KIF25: variants seen among roughly 807,000 people sequenced by gnomAD.
The protein encoded by KIF25 is kinesin-like protein KIF25.
KIF25 carries 19 observed loss-of-function variants against 32.9 expected under a neutral mutation model. The ratio of observed to expected loss-of-function variants is 0.58; its 90% CI spans 0.40 to 0.85. The LOEUF is 0.85. Among genes scored for constraint, KIF25 ranks in the 40% least tolerant of loss-of-function variants. KIF25 has a pLI of 0.00. For missense variants in KIF25, 485 were observed against 507.0 expected (o/e 0.96, Z 0.42); for synonymous variants, 225 against 213.7 (o/e 1.05, Z -0.46).
intron 4 of KIF25, among the ~76,000 whole-genome samples, chr6:168,006,916 A>G (rs968444900): frequency 3.9e-5 from 6 of 152,370 alleles, no homozygotes; most frequent in Admixed American, 2.0e-4. Flanking sequence ...TGTTATAGCC[A>G]TACTTTAAAA....
intron 7 of KIF25, among the ~76,000 whole-genome samples, chr6:168,031,563 G>A (rs1410679636): frequency 2.0e-5 from 3 of 152,206 alleles, no homozygotes; most frequent in Non-Finnish European, 2.9e-5. Flanking sequence ...ATCTGACCAC[G>A]CACGCACGCG....
chr6:168,035,264 T>G (rs1029122865), intron 8 of KIF25, among the ~76,000 whole-genome samples: 1 of 151,414 alleles, frequency 6.6e-6, no homozygotes, highest in South Asian at 2.1e-4. Context: ...CAGTGTGAGC[T>G]GCGTGCGTGC....
At chr6:168,005,996 G>A (rs916804387) in intron 4 of KIF25, among the ~76,000 whole-genome samples, 21 of 152,162 alleles carry the variant, frequency 1.4e-4, no homozygotes, top group South Asian at 1.0e-3. Flanking sequence ...CAGCAAGGGC[G>A]GCTCTCATGG....
intron 12 of KIF25, 58 bp downstream of exon 12, chr6:168,042,774 C>T: frequency 6.4e-7 from 1 of 1,555,532 alleles, no homozygotes; most frequent in South Asian, 1.2e-5. Context: ...AGGACATGTG[C>T]ACACACTTCT....
chr6:168,005,965 G>A (rs2114868172), intron 4 of KIF25, among the ~76,000 whole-genome samples: 1 of 152,312 alleles, frequency 6.6e-6, no homozygotes, highest in Middle Eastern at 3.4e-3. Context: ...CTACTGACGA[G>A]AACATGCTTT....
intron 5 of KIF25, among the ~76,000 whole-genome samples, chr6:168,026,008 A>T (rs1203728273): frequency 6.6e-6 from 1 of 152,228 alleles, no homozygotes; most frequent in Non-Finnish European, 1.5e-5. Flanking sequence ...GTCTCCAAGT[A>T]CTTTCAGGCC....
intron 4 of KIF25, among the ~76,000 whole-genome samples, chr6:168,004,018 A>G (rs1798540762): frequency 1.3e-5 from 2 of 152,214 alleles, no homozygotes; most frequent in Non-Finnish European, 2.9e-5. Context: ...CAGTGATATC[A>G]TGGGTGAACT....
intron 9 of KIF25, among the ~76,000 whole-genome samples, chr6:168,039,546 G>A (rs1181053793): frequency 1.3e-5 from 2 of 152,212 alleles, no homozygotes; most frequent in African/African-American, 4.8e-5. Flanking sequence ...CATGCTGAAT[G>A]TTTCACAGAG....
At chr6:168,038,398 CCT>C (rs543597555) in intron 8 of KIF25, among the ~76,000 whole-genome samples, 153 bp from the exon 9 acceptor site, 187 of 152,294 alleles carry the variant, frequency 1.2e-3, no homozygotes, top group African/African-American at 4.3e-3. Flanking sequence ...ACCCTATTTC[CCT>C]GAGTGATCTT....
intron 2 of KIF25, among the ~76,000 whole-genome samples, chr6:168,001,590 G>A (rs1255906645): frequency 2.0e-5 from 3 of 146,894 alleles, no homozygotes; most frequent in African/African-American, 5.1e-5. Context: ...CGTGGCCTCG[G>A]GCAGGTGAGA....
rs1393438207 is a variant in KIF25 at position 168,042,139 on chromosome 6, A to G, written c.817A>G (p.Ser273Gly). The stretch of plus-strand genomic sequence containing the variant: ...ACTACAGCTCGTGGACTCGGCCGGC[A>G]GCGAGTGCGTTGGTGAGCAGGGGCA... ...ARLQLVDSAG[S>G]ECVGVSGVTG... The change falls in exon 11 of 13, where the codon AGC becomes GGC. Residue 273 changes from serine to glycine, a missense_variant. Coordinates refer to ENST00000643607, the MANE Select transcript of KIF25 (RefSeq NM_030615.4). 6 of 1,549,394 alleles carry G rather than the reference A, an allele frequency of 3.9e-6. No homozygotes were observed. The East Asian group carries it at 1.5e-4, about 38-fold the overall frequency.
At chr6:168,011,082 A>G (rs1798641804) in intron 4 of KIF25, among the ~76,000 whole-genome samples, 1 of 152,100 alleles carries the variant, frequency 6.6e-6, no homozygotes, top group Non-Finnish European at 1.5e-5. Flanking sequence ...TTACATCTTT[A>G]AAGTGGGAAA....
At chr6:168,040,749 TA>T (rs1799107683) in intron 10 of KIF25, among the ~76,000 whole-genome samples, 1 of 152,192 alleles carries the variant, frequency 6.6e-6, no homozygotes, top group South Asian at 2.1e-4. Context: ...AACACTCTGC[TA>T]AATAAAATAT....
chr6:168,005,630 A>G (rs1182260950), intron 4 of KIF25, among the ~76,000 whole-genome samples: 1 of 152,258 alleles, frequency 6.6e-6, no homozygotes, highest in Admixed American at 6.5e-5. Context: ...CACGCTGAGG[A>G]GCAAGGAGAG....
At chr6:168,000,567 C>T (rs1798486291) in intron 2 of KIF25, among the ~76,000 whole-genome samples, 1 of 146,996 alleles carries the variant, frequency 6.8e-6, no homozygotes, top group African/African-American at 2.5e-5. Context: ...CCTGACCCTC[C>T]CCACTCCCAT....
chr6:168,042,929 T>A (rs1799151787), intron 12 of KIF25, among the ~76,000 whole-genome samples: 1 of 152,164 alleles, frequency 6.6e-6, no homozygotes, highest in Admixed American at 6.5e-5. Context: ...GGTCTGTGTG[T>A]GACTTGCCTC....
At position 168,038,858 on chromosome 6, in the gene KIF25, C is replaced by T. The variant is rs143733987; in HGVS notation, c.494+129C>T. On this transcript the variant is annotated intron_variant, in intron 9 of 12. Transcript: ENST00000643607. Reference sequence around the variant, plus strand: ...CCCAAGGATCCCAAGGAGAATCGGCCGTGGTGGCCCGATCAGTGCTCCTTG... The same window carrying T: ...CCCAAGGATCCCAAGGAGAATCGGCTGTGGTGGCCCGATCAGTGCTCCTTG... The T allele has an allele frequency of 5.1e-3, 4,418 of 860,820 alleles. 16 individuals carry two copies. Among genetic ancestry groups the T allele is most frequent in the Middle Eastern group, 0.014 (38 of 2,752 alleles). 53.3% of individuals were successfully genotyped at this position (860,820 alleles called of 1,614,324 possible). A position where few individuals can be genotyped will look rare whatever the true frequency, so the allele number is the denominator to read the frequency against.
rs1320320198 is a variant in KIF25 at position 167,999,220 on chromosome 6, T to C, written c.-470T>C. On this transcript the variant is annotated 5_prime_UTR_variant, in exon 2 of 13. Coordinates refer to ENST00000643607, the MANE Select transcript of KIF25 (RefSeq NM_030615.4). ...CGCCCGGGTTGACACGCAGACCTCT[T>C]GATCATTGCAGGAGCTGAAACGAAA... 6.6e-6 allele frequency: 1 copy of C among 152,208 alleles called. No homozygotes were observed. Among genetic ancestry groups the C allele is most frequent in the Non-Finnish European group, 1.5e-5 (1 of 68,050 alleles). 9.4% of individuals were successfully genotyped at this position (152,208 alleles called of 1,614,324 possible).
chr6:168,044,990 G>C lies in KIF25; in HGVS notation c.1149G>C (p.Pro383=). 1 of 1,586,052 alleles carries C rather than the reference G, an allele frequency of 6.3e-7. No individual in the cohort carries two copies. Among genetic ancestry groups the C allele is most frequent in the Non-Finnish European group, 8.6e-7 (1 of 1,164,688 alleles). Residue 383 remains proline, a synonymous_variant, in exon 13 of 13, where the codon CCG becomes CCC. Transcript: ENST00000643607. ...CCCAAACGGAGGGGAAGAGGAGGCC[G>C]GATTGAATGCATTAACAAGTTTTTC... The part of the protein sequence containing the change: ...PSSQTEGKRR[P]D
Sources: allele counts gnomAD v4.1 joint callset (sites outside exome capture counted in the v4.1 genomes callset), GRCh38; gene constraint gnomAD v4.1.1; transcripts MANE v1.5; gene names NCBI Gene and HGNC (gene_info 2026-07-23, HGNC 2026-07-21).